Variants in CANX observed in about 807,000 individuals in gnomAD.
CANX encodes the protein calnexin, also known as epididymis secretory sperm binding protein.
A neutral mutation model predicts 75.7 loss-of-function variants in CANX; 14 were observed. The observed-to-expected ratio is 0.19, with a 90% confidence interval of 0.12 to 0.29. The LOEUF (loss-of-function observed/expected upper bound fraction) is 0.29, where lower values mean the gene tolerates loss of function less well. Among genes scored for constraint, CANX ranks in the 10% least tolerant of loss-of-function variants. The probability of loss-of-function intolerance (pLI) is 1.00; values close to 1 mark genes in which losing one functional copy is unlikely to be tolerated. For missense variants in CANX, 567 were observed against 713.2 expected (o/e 0.79, Z 2.34); for synonymous variants, 227 against 236.9 (o/e 0.96, Z 0.38).
upstream of CANX, chr5:179,698,945 C>T: frequency 3.6e-6 from 4 of 1,119,416 alleles, no homozygotes; most frequent in Non-Finnish European, 4.4e-6. Context: ...GGGCTTCGTG[C>T]GGTGGGGCTC....
chr5:179,705,792 T>C lies in CANX; in HGVS notation c.111T>C (p.Asp37=). The change falls in exon 2 of 15, where the codon GAT becomes GAC. Residue 37 remains aspartate, a synonymous_variant. Transcript: ENST00000247461. ...TTGATATTGAGGATGACCTTGACGA[T>C]GTCATTGAAGAGGTAGAAGACTCAA... ...DVIDIEDDLD[D]VIEEVEDSKP... The C allele has an allele frequency of 6.2e-7, 1 of 1,612,774 alleles. No homozygotes were observed. The highest frequency in any genetic ancestry group is 8.5e-7 in the Non-Finnish European group (1 of 1,178,776).
In CANX at chr5:179,718,898, C is replaced by T. The variant is rs189914841; in HGVS notation, c.912-770C>T. Among the ~76,000 whole-genome samples, 218 of 152,010 alleles carry T rather than the reference C, an allele frequency of 1.4e-3. 1 individual carries two copies. The highest frequency in any genetic ancestry group is 2.5e-3 in the Non-Finnish European group (170 of 67,976). Reference sequence around the variant, plus strand: ...CAGGCCGGTCTTGAACTCCTGTCCTCAGGTGATCCACCCGCCTTGGCCTCC... The same window carrying T: ...CAGGCCGGTCTTGAACTCCTGTCCTTAGGTGATCCACCCGCCTTGGCCTCC... On this transcript the variant is annotated intron_variant, in intron 8 of 14. Coordinates refer to ENST00000247461, the MANE Select transcript of CANX (RefSeq NM_001746.4).
At chr5:179,720,375 T>C in intron 9 of CANX, 29 bp from the exon 10 acceptor site, 1 of 1,604,654 alleles carries the variant, frequency 6.2e-7, no homozygotes, top group Non-Finnish European at 8.5e-7. Flanking sequence ...ACAGAACCTG[T>C]TTATAATTTG....
chr5:179,721,273 A>G (rs1304773316), intron 10 of CANX, among the ~76,000 whole-genome samples: 2 of 151,754 alleles, frequency 1.3e-5, no homozygotes, highest in Non-Finnish European at 2.9e-5. Flanking sequence ...TATTTTTAGT[A>G]GAGACGGGGC....
chr5:179,683,825 C>T (rs557200492), intron 1 of CANX, among the ~76,000 whole-genome samples: 48 of 152,282 alleles, frequency 3.2e-4, no homozygotes, highest in Admixed American at 1.2e-3. Context: ...TGAGCCACCG[C>T]GCCCAGCCTC....
intron 7 of CANX, among the ~76,000 whole-genome samples, chr5:179,714,653 G>A (rs1041832530): frequency 2.0e-5 from 3 of 152,118 alleles, no homozygotes; most frequent in Non-Finnish European, 4.4e-5. Context: ...GAGTAGCTGG[G>A]ACTACAGGTG....
chr5:179,704,193 G>A (rs1776966688), intron 1 of CANX: 1 of 152,236 alleles, frequency 6.6e-6, no homozygotes, highest in South Asian at 2.1e-4. Context: ...ACTACCCCAA[G>A]ACACATCTAA....
Position 179,730,157 on chromosome 5 carries a change from G to C in CANX, c.*1513G>C, listed in dbSNP as rs909534750. The stretch of plus-strand genomic sequence containing the variant: ...ATTTTAGCTTCAGTTGTTCTTTAGA[G>C]GCTTTCAAATGTACCGATGATACTG... On this transcript the variant is annotated 3_prime_UTR_variant, in exon 15 of 15. Transcript: ENST00000247461. The C allele has an allele frequency of 9.2e-5, 14 of 152,542 alleles. No homozygotes were observed. The highest frequency in any genetic ancestry group is 3.4e-4 in the African/African-American group (14 of 41,416). 9.4% of individuals were successfully genotyped at this position (152,542 alleles called of 1,614,324 possible). A position where few individuals can be genotyped will look rare whatever the true frequency, so the allele number is the denominator to read the frequency against.
chr5:179,720,506 C>T lies in CANX; in HGVS notation c.1128C>T (p.Asn376=), dbSNP rs544590928. 6 of 1,614,006 alleles carry T rather than the reference C, an allele frequency of 3.7e-6. No homozygotes were observed. In the African/African-American group the frequency reaches 8.0e-5, roughly 22 times the overall value. Residue 376 remains asparagine, a synonymous_variant, in exon 10 of 15, where the codon AAC becomes AAT. Coordinates refer to ENST00000247461, the MANE Select transcript of CANX (RefSeq NM_001746.4). ...TCTGGCAGCGACCTGTGATTGACAA[C>T]CCCAATTATAAAGGCAAATGGAAGC... ...CGVWQRPVID[N]PNYKGKWKPP...
At chr5:179,717,780 A>G (rs1562499715) in intron 8 of CANX, among the ~76,000 whole-genome samples, 1 of 151,446 alleles carries the variant, frequency 6.6e-6, no homozygotes, top group Non-Finnish European at 1.5e-5. Flanking sequence ...CAGTGGCGCC[A>G]TCACGGCTCA....
intron 14 of CANX, among the ~76,000 whole-genome samples, chr5:179,727,606 C>T (rs1325476744): frequency 2.0e-5 from 3 of 152,166 alleles, no homozygotes; most frequent in East Asian, 1.9e-4. Context: ...GTGGACTTGG[C>T]TTTCCCTCCT....
At chr5:179,703,231 T>C (rs1052469910) in intron 1 of CANX, among the ~76,000 whole-genome samples, 1 of 151,320 alleles carries the variant, frequency 6.6e-6, no homozygotes, top group Admixed American at 6.6e-5. Context: ...GAGTCTTTTT[T>C]TTTTTTTTGA....
chr5:179,685,234 G>GATT (rs1420145030), intron 1 of CANX, among the ~76,000 whole-genome samples: 3 of 152,026 alleles, frequency 2.0e-5, no homozygotes, highest in African/African-American at 7.2e-5. Context: ...GAGTACTTGG[G>GATT]ATTACAGGCA....
At position 179,731,399 on chromosome 5, in the gene CANX, A is replaced by G. The variant is rs191252409; in HGVS notation, c.*2755A>G. On this transcript the variant is annotated 3_prime_UTR_variant, in exon 15 of 15. Transcript: ENST00000247461. The stretch of plus-strand genomic sequence containing the variant: ...TTACATACTAAAGAAAAGTATGTAC[A>G]CAGAATGTAGTGCTCCTAGTTACTA... Among the ~76,000 whole-genome samples the G allele has an allele frequency of 2.0e-5, 3 of 152,210 alleles. No homozygotes were observed. The highest frequency in any genetic ancestry group is 2.0e-4 in the Admixed American group (3 of 15,292).
At chr5:179,719,605 C>G in intron 8 of CANX, 63 bp from the exon 9 acceptor site, 1 of 870,628 alleles carries the variant, frequency 1.1e-6, no homozygotes, top group Non-Finnish European at 1.9e-6. Context: ...CTGTTCTGAT[C>G]CACAAAGTGG....
At chr5:179,713,469 A>G (rs183292298) in intron 7 of CANX, among the ~76,000 whole-genome samples, 179 of 152,328 alleles carry the variant, frequency 1.2e-3, no homozygotes, top group African/African-American at 4.2e-3. Flanking sequence ...AGCGAGGGAG[A>G]GGGGTTGAAG....
intron 12 of CANX, among the ~76,000 whole-genome samples, chr5:179,724,317 C>G (rs896506482): frequency 1.1e-4 from 17 of 152,112 alleles, no homozygotes; most frequent in Non-Finnish European, 2.4e-4. Context: ...TATGCTTCAT[C>G]TGGCATTCAT....
chr5:179,720,909 G>A (rs1191771879), intron 10 of CANX, among the ~76,000 whole-genome samples: 2 of 151,988 alleles, frequency 1.3e-5, no homozygotes, highest in Non-Finnish European at 2.9e-5. Flanking sequence ...TCAGACTCCC[G>A]AGTAGCTGGG....
chr5:179,726,861 A>G, intron 14 of CANX, 102 bp downstream of exon 14: 3 of 799,024 alleles, frequency 3.8e-6, no homozygotes, highest in Non-Finnish European at 6.2e-6. Context: ...ATGGCAGTAA[A>G]AATTCTGTTA....
Sources: allele counts gnomAD v4.1 joint callset (sites outside exome capture counted in the v4.1 genomes callset), GRCh38; gene constraint gnomAD v4.1.1; transcripts MANE v1.5; gene names NCBI Gene and HGNC (gene_info 2026-07-23, HGNC 2026-07-21).